SENP2: variants seen among roughly 807,000 people sequenced by gnomAD.
The protein encoded by SENP2 is SUMO specific peptidase 2, also known as sentrin-specific protease 2.
A neutral mutation model predicts 86.3 loss-of-function variants in SENP2; 16 were observed. That is an observed-to-expected ratio of 0.19 (90% CI 0.13 to 0.28). SENP2 has a LOEUF of 0.28. SENP2 is among the 10% of genes least tolerant of loss of function. The probability of loss-of-function intolerance (pLI) is 1.00; values close to 1 mark genes in which losing one functional copy is unlikely to be tolerated. For missense variants in SENP2, 552 were observed against 703.0 expected (o/e 0.79, Z 2.43); for synonymous variants, 222 against 238.7 (o/e 0.93, Z 0.64).
chr3:185,628,659 A>G (rs1008582946), intron 16 of SENP2, among the ~76,000 whole-genome samples: 1 of 151,932 alleles, frequency 6.6e-6, no homozygotes, highest in African/African-American at 2.4e-5. Flanking sequence ...GGAATGCGCC[A>G]CCACCCCTGG....
chr3:185,609,470 T>G, intron 7 of SENP2, 120 bp downstream of exon 7: 3 of 663,430 alleles, frequency 4.5e-6, no homozygotes, highest in Non-Finnish European at 5.2e-6. Context: ...GAACTAGCTC[T>G]GTCATTTGCC....
intron 2 of SENP2, among the ~76,000 whole-genome samples, chr3:185,597,957 G>A (rs6795633): frequency 0.086 from 12,970 of 151,604 alleles, 862 homozygotes; most frequent in South Asian, 0.34. Flanking sequence ...CCAGACCTAG[G>A]AAAGGATTAT....
At chr3:185,596,054 T>C (rs62291883) in intron 2 of SENP2, among the ~76,000 whole-genome samples, 44,798 of 151,782 alleles carry the variant, frequency 0.3, 7,115 homozygotes, top group African/African-American at 0.42. Flanking sequence ...CAACCTCCGC[T>C]TCCTGGATTC....
At chr3:185,621,339 A>AAT (rs1452368701) in intron 13 of SENP2, among the ~76,000 whole-genome samples, 5 of 149,648 alleles carry the variant, frequency 3.3e-5, no homozygotes, top group African/African-American at 1.2e-4. Flanking sequence ...ACTAAAAAAA[A>AAT]AAAAATACAT....
chr3:185,600,552 CCTAT>C (rs763869869), intron 4 of SENP2, among the ~76,000 whole-genome samples: 33 of 152,286 alleles, frequency 2.2e-4, no homozygotes, highest in African/African-American at 7.9e-4. Flanking sequence ...TCTGTTATTA[CCTAT>C]CTGAGATCAA....
At position 185,595,668 on chromosome 3, in the gene SENP2, AT is replaced by A. The variant is rs142400693; in HGVS notation, c.158-2742del. Among the ~76,000 whole-genome samples, 679 of 152,318 alleles carry A rather than the reference AT, an allele frequency of 4.5e-3. 5 individuals carry two copies. The highest frequency in any genetic ancestry group is 0.015 in the African/African-American group (635 of 41,570). On this transcript the variant is annotated intron_variant, in intron 2 of 16. Coordinates refer to ENST00000296257, the MANE Select transcript of SENP2 (RefSeq NM_021627.3). ...AATACCCTTAATTAGGACATAGGATATTGTAGAAAGCTTACATCAGATATAT... is the reference window on the plus strand; with the variant it reads ...AATACCCTTAATTAGGACATAGGATATGTAGAAAGCTTACATCAGATATAT...
intron 6 of SENP2, chr3:185,606,706 T>C (rs546555326): frequency 2.7e-5 from 15 of 551,002 alleles, no homozygotes; most frequent in Middle Eastern, 4.1e-4. Flanking sequence ...GAGGGGTTCA[T>C]GCTATGAGAC....
At chr3:185,621,948 T>A (rs760612149) in intron 14 of SENP2, 43 bp downstream of exon 14, 2 of 1,309,792 alleles carry the variant, frequency 1.5e-6, no homozygotes, top group Non-Finnish European at 2.2e-6. Flanking sequence ...GTTGAGGTGA[T>A]CTCTCTTTTA....
rs374819138 is a variant in SENP2 at position 185,614,069 on chromosome 3, A to G, written c.934-495A>G. 6.7e-4 allele frequency among the ~76,000 whole-genome samples: 102 copies of G among 152,240 alleles called. 4 individuals carry two copies. In the South Asian group the frequency reaches 0.021, roughly 31 times the overall value. On this transcript the variant is annotated intron_variant, in intron 10 of 16. Coordinates refer to ENST00000296257, the MANE Select transcript of SENP2 (RefSeq NM_021627.3). ...GCTGGCAGAATTCTATTTGTTTACT[A>G]CAATTGTGGTTATATAGGTGTTCAT... is the stretch of plus-strand genomic sequence containing the variant.
chr3:185,600,253 G>A (rs1184868628), intron 4 of SENP2, among the ~76,000 whole-genome samples: 1 of 152,200 alleles, frequency 6.6e-6, no homozygotes, highest in Non-Finnish European at 1.5e-5. Context: ...TGGCACTACT[G>A]TGTTTCTGTG....
intron 5 of SENP2, among the ~76,000 whole-genome samples, chr3:185,604,374 T>C: frequency 6.6e-6 from 1 of 152,220 alleles, no homozygotes. Flanking sequence ...TGATGTTCCA[T>C]GTACACTTGA....
chr3:185,606,800 A>T, intron 6 of SENP2: 1 of 527,840 alleles, frequency 1.9e-6, no homozygotes. Context: ...GACAGGATCA[A>T]GCATGTTGCT....
intron 5 of SENP2, among the ~76,000 whole-genome samples, chr3:185,602,992 A>C (rs1189567137): frequency 7.1e-6 from 1 of 141,166 alleles, no homozygotes; most frequent in Admixed American, 7.3e-5. Flanking sequence ...GGCTCACTGC[A>C]ACCTCTGCCT....
At chr3:185,620,351 G>C (rs2148993507) in intron 13 of SENP2, among the ~76,000 whole-genome samples, 1 of 152,172 alleles carries the variant, frequency 6.6e-6, no homozygotes, top group South Asian at 2.1e-4. Flanking sequence ...TGATGGGTGA[G>C]ATGCCGCACC....
intron 5 of SENP2, among the ~76,000 whole-genome samples, chr3:185,605,293 C>A (rs924135676): frequency 1.3e-5 from 2 of 151,624 alleles, no homozygotes; most frequent in Non-Finnish European, 1.5e-5. Context: ...ATTGCTTGAA[C>A]CTGGGAGGTG....
intron 2 of SENP2, among the ~76,000 whole-genome samples, chr3:185,594,308 T>C (rs891327210): frequency 1.3e-5 from 2 of 152,180 alleles, no homozygotes; most frequent in Non-Finnish European, 2.9e-5. Context: ...ATTTTCTGAA[T>C]GGCAAATTGT....
At chr3:185,587,111 C>T (rs1336333793) in intron 1 of SENP2, among the ~76,000 whole-genome samples, 2 of 152,122 alleles carry the variant, frequency 1.3e-5, no homozygotes, top group African/African-American at 4.8e-5. Flanking sequence ...TTGGGGGAAA[C>T]GCAAAGCTAT....
At position 185,632,244 on chromosome 3, in the gene SENP2, TTTTTTTTTTTTG is replaced by T. The variant is rs1712515610; in HGVS notation, c.*2401_*2412del. 17 of 131,250 alleles carry T rather than the reference TTTTTTTTTTTTG, an allele frequency of 1.3e-4. No individual in the cohort carries two copies. Among genetic ancestry groups the T allele is most frequent in the African/African-American group, 2.1e-4 (7 of 34,016 alleles). 8.1% of individuals were successfully genotyped at this position (131,250 alleles called of 1,614,324 possible). ...TTTTTGTTTTTTTTTTTTGTTTTTT[TTTTTTTTTTTTG>T]CGACAGAGTCTCTTGTCGCCCAGGC... is the stretch of plus-strand genomic sequence containing the variant. On this transcript the variant is annotated 3_prime_UTR_variant, in exon 17 of 17. Transcript: ENST00000296257.
intron 2 of SENP2, among the ~76,000 whole-genome samples, chr3:185,591,720 G>T (rs1722003958): frequency 6.6e-6 from 1 of 150,858 alleles, no homozygotes; most frequent in South Asian, 2.1e-4. Context: ...GATGGCTGAG[G>T]GAACCCATCT....
Sources: allele counts gnomAD v4.1 joint callset (sites outside exome capture counted in the v4.1 genomes callset), GRCh38; gene constraint gnomAD v4.1.1; transcripts MANE v1.5; gene names NCBI Gene and HGNC (gene_info 2026-07-23, HGNC 2026-07-21).